HMCN1: variants seen among roughly 807,000 people sequenced by gnomAD.
HMCN1 encodes hemicentin 1.
In HMCN1, 321 loss-of-function variants were observed where a neutral mutation model predicts 625.9. The observed-to-expected ratio is 0.51, with a 90% CI of 0.47 to 0.56. The LOEUF (loss-of-function observed/expected upper bound fraction) is 0.56. Ranked by LOEUF, HMCN1 falls within the 20% of genes least tolerant of loss-of-function variation. HMCN1 has a pLI of 0.00. For synonymous variants in HMCN1, 2,425 were observed against 2,417.6 expected, an observed-to-expected ratio of 1.00 and a Z score of -0.09; for missense variants, 6,588 against 6,887.3, an observed-to-expected ratio of 0.96 and a Z score of 1.54.
At chr1:186,001,457 T>C in intron 27 of HMCN1, 29 bp downstream of exon 27, 1 of 1,610,684 alleles carries the variant, frequency 6.2e-7, no homozygotes, top group Non-Finnish European at 8.5e-7. Flanking sequence ...ATACGTGTAA[T>C]TCCTTGCCTC....
At chr1:185,982,219 G>A (rs763078503) in intron 17 of HMCN1, 43 bp from the exon 18 acceptor site, 25 of 1,609,582 alleles carry the variant, frequency 1.6e-5, no homozygotes, top group South Asian at 3.3e-5. Flanking sequence ...CTTTCTTTTG[G>A]GTGAAATAGA....
intron 15 of HMCN1, among the ~76,000 whole-genome samples, chr1:185,976,100 A>G (rs1651191829): frequency 6.6e-6 from 1 of 152,194 alleles, no homozygotes; most frequent in Non-Finnish European, 1.5e-5. Context: ...GAATGTGGTG[A>G]TTGCTATGAG....
At chr1:185,794,601 ATTTTTT>A (rs34098989) in intron 1 of HMCN1, among the ~76,000 whole-genome samples, 2 of 111,206 alleles carry the variant, frequency 1.8e-5, no homozygotes, top group Non-Finnish European at 3.6e-5. Flanking sequence ...GTCTTTACAC[ATTTTTT>A]TTTTTTTTTT....
At chr1:186,140,210 G>A (rs1046522617) in intron 89 of HMCN1, among the ~76,000 whole-genome samples, 3 of 152,048 alleles carry the variant, frequency 2.0e-5, no homozygotes, top group African/African-American at 7.2e-5. Context: ...AGTTGTCCCA[G>A]TAATATCTTT....
chr1:186,142,281 T>A (rs1377292314), intron 89 of HMCN1, among the ~76,000 whole-genome samples: 1 of 152,166 alleles, frequency 6.6e-6, no homozygotes, highest in African/African-American at 2.4e-5. Context: ...CTGAGTTAGT[T>A]AGTTTGCTAA....
chr1:186,133,309 G>C (rs1345224804), intron 86 of HMCN1, among the ~76,000 whole-genome samples: 1 of 152,122 alleles, frequency 6.6e-6, no homozygotes, highest in Admixed American at 6.6e-5. Flanking sequence ...GGCACTTTAA[G>C]ATATTTATTA....
intron 50 of HMCN1, among the ~76,000 whole-genome samples, chr1:186,068,868 C>CAAA (rs397862240): frequency 1.4e-3 from 110 of 76,728 alleles, no homozygotes; most frequent in African/African-American, 5.0e-3. Context: ...GACTCGGTCT[C>CAAA]AAAAAAAAAA....
chr1:185,987,950 G>A (rs1482447908), intron 20 of HMCN1, among the ~76,000 whole-genome samples: 1 of 152,138 alleles, frequency 6.6e-6, no homozygotes, highest in Non-Finnish European at 1.5e-5. Flanking sequence ...AAATTAAGAG[G>A]GAAGAGGGCT....
chr1:185,994,767 A>C (rs2102042384), intron 23 of HMCN1, 48 bp from the exon 24 acceptor site: 3 of 1,575,750 alleles, frequency 1.9e-6, no homozygotes, highest in Non-Finnish European at 2.6e-6. Context: ...TGAGTAAAGA[A>C]AGGAATTTGT....
At chr1:185,863,462 G>A (rs1324627986) in intron 2 of HMCN1, among the ~76,000 whole-genome samples, 1 of 152,148 alleles carries the variant, frequency 6.6e-6, no homozygotes. Context: ...AAATTTGAAA[G>A]AGCACTAATA....
At chr1:185,737,035 G>T (rs1402170291) in intron 1 of HMCN1, among the ~76,000 whole-genome samples, 1 of 152,012 alleles carries the variant, frequency 6.6e-6, no homozygotes, top group Non-Finnish European at 1.5e-5. Flanking sequence ...TAAACATACT[G>T]TTAACTTTAG....
In HMCN1 at chr1:186,151,587, T is replaced by C. The variant is rs757425715; in HGVS notation, c.14759-19T>C. On this transcript the variant is annotated intron_variant, in intron 94 of 106. Coordinates refer to ENST00000271588, the MANE Select transcript of HMCN1 (RefSeq NM_031935.3). The stretch of plus-strand genomic sequence containing the variant: ...CTAAAAATTTTGCTATCACCTTATT[T>C]ATCCTTTTTTTTCTTTAGGTTCAGC... The C allele has an allele frequency of 1.1e-5, 18 of 1,607,622 alleles. No homozygotes were observed. The African/African-American group carries it at 2.3e-4, about 20-fold the overall frequency.
Position 186,189,529 on chromosome 1 carries a change from G to C in HMCN1, c.16559G>C (p.Cys5520Ser). ...GTCCTTAGGTTCTGCCTCAAGAACTGTCCACCCAATGATTTGGAATGTGCC... is the reference window on the plus strand; with the variant it reads ...GTCCTTAGGTTCTGCCTCAAGAACTCTCCACCCAATGATTTGGAATGTGCC... ...DPVSGFCLKN[C>S]PPNDLECALS... is the part of the protein sequence containing the mutation. The change falls in exon 107 of 107, where the codon TGT becomes TCT. Residue 5520 changes from cysteine (C) to serine (S), a missense_variant. By Grantham distance (112) the Cys-to-Ser change is moderately radical. Around this residue, in one of 3 missense-constraint regions of HMCN1, gnomAD observed 1,954 missense variants for 2,013.1 expected, o/e 0.97. Coordinates refer to ENST00000271588, the MANE Select transcript of HMCN1 (RefSeq NM_031935.3). The C allele has an allele frequency of 6.2e-7, 1 of 1,613,352 alleles. No individual in the cohort carries two copies. The highest frequency in any genetic ancestry group is 2.2e-5 in the East Asian group (1 of 44,872).
In HMCN1 at chr1:186,093,858, G is replaced by A. The variant is rs1450210639; in HGVS notation, c.10196+189G>A. On this transcript the variant is annotated intron_variant, in intron 66 of 106. Transcript: ENST00000271588. ...GAAATGATTTTTTATCCTTATTTAAGTGCTTTCATTTTTTAGTAAATGTGT... is the reference window on the plus strand; with the variant it reads ...GAAATGATTTTTTATCCTTATTTAAATGCTTTCATTTTTTAGTAAATGTGT... Among the ~76,000 whole-genome samples the A allele has an allele frequency of 4.6e-5, 7 of 151,950 alleles. No individual in the cohort carries two copies. The East Asian group carries it at 1.3e-3, about 29-fold the overall frequency.
At chr1:185,990,844 T>C (rs1265349902) in intron 22 of HMCN1, among the ~76,000 whole-genome samples, 1 of 152,230 alleles carries the variant, frequency 6.6e-6, no homozygotes, top group Non-Finnish European at 1.5e-5. Flanking sequence ...GTCTTCTTGC[T>C]TAAACCCTTA....
At chr1:186,160,721 T>G (rs1451582059) in intron 97 of HMCN1, among the ~76,000 whole-genome samples, 2 of 152,210 alleles carry the variant, frequency 1.3e-5, no homozygotes, top group Non-Finnish European at 2.9e-5. Flanking sequence ...TTCCATGTAG[T>G]TAAGCAGTTT....
At chr1:185,974,510 C>CTGCT (rs1406882969) in intron 15 of HMCN1, among the ~76,000 whole-genome samples, 1 of 152,164 alleles carries the variant, frequency 6.6e-6, no homozygotes, top group Non-Finnish European at 1.5e-5. Context: ...CTTCACCTCT[C>CTGCT]TAAGCAAACA....
chr1:186,163,859 A>G (rs1386444817), intron 97 of HMCN1, among the ~76,000 whole-genome samples: 10 of 152,166 alleles, frequency 6.6e-5, no homozygotes, highest in African/African-American at 2.2e-4. Context: ...CAACCAAAGT[A>G]TCTCCCAAAA....
intron 1 of HMCN1, among the ~76,000 whole-genome samples, chr1:185,812,841 C>T (rs1659611637): frequency 6.6e-6 from 1 of 151,864 alleles, no homozygotes; most frequent in Admixed American, 6.6e-5. Flanking sequence ...GCATCATGCA[C>T]AATAAGATGG....
Sources: allele counts gnomAD v4.1 joint callset (sites outside exome capture counted in the v4.1 genomes callset), GRCh38; gene constraint gnomAD v4.1.1; regional missense constraint gnomAD v4.1.1; transcripts MANE v1.5; gene names NCBI Gene and HGNC (gene_info 2026-07-23, HGNC 2026-07-21).